SERPINA9: variants seen among roughly 807,000 people sequenced by gnomAD.
The protein encoded by SERPINA9 is serpin family A member 9.
SERPINA9 carries 32 observed loss-of-function variants against 24.5 expected under a neutral mutation model. That is an observed-to-expected ratio of 1.30 (90% CI 0.98 to 1.75). The LOEUF (loss-of-function observed/expected upper bound fraction) is 1.75. Among genes scored for constraint, SERPINA9 ranks in the 40% most tolerant of loss-of-function variants. The probability of loss-of-function intolerance (pLI) is 0.00; values close to 1 mark genes in which losing one functional copy is unlikely to be tolerated. For synonymous variants in SERPINA9, 233 were observed against 197.7 expected (o/e 1.18, Z -1.50); for missense variants, 594 against 497.1 (o/e 1.19, Z -1.85).
chr14:94,475,454 AC>A (rs1899556937), intron 1 of SERPINA9, among the ~76,000 whole-genome samples: 3 of 152,002 alleles, frequency 2.0e-5, no homozygotes, highest in African/African-American at 4.8e-5. Flanking sequence ...ACACACACAC[AC>A]ACACACACTG....
At chr14:94,471,030 A>G (rs1276750223) in intron 1 of SERPINA9, among the ~76,000 whole-genome samples, 1 of 152,164 alleles carries the variant, frequency 6.6e-6, no homozygotes, top group Non-Finnish European at 1.5e-5. Flanking sequence ...GTGTGCTCCA[A>G]TAGGTCACAT....
At position 94,464,711 on chromosome 14, in the gene SERPINA9, G is replaced by C. The variant is rs376738089; in HGVS notation, c.1046C>G (p.Ser349Cys). Residue 349 changes from serine to cysteine, a missense_variant, in exon 4 of 5, where the codon TCT becomes TGT. Ser to Cys is a moderately radical substitution (Grantham distance 112, BLOSUM62 -1). Coordinates refer to ENST00000674397, the MANE Select transcript of SERPINA9 (RefSeq NM_175739.4). Reference protein sequence around the residue: ...GIAKRDSLQVSKATHKAVLDV... With the variant: ...GIAKRDSLQVCKATHKAVLDV... ...AAATATTTTCATTCAACTCACTTTA[G>C]AAACCTGCAGGGAGTCTCTCTTTGC... 3.1e-6 allele frequency: 5 copies of C among 1,611,384 alleles called. No individual in the cohort carries two copies. Among genetic ancestry groups the C allele is most frequent in the Non-Finnish European group, 4.2e-6 (5 of 1,178,922 alleles).
intron 1 of SERPINA9, among the ~76,000 whole-genome samples, chr14:94,475,368 T>C (rs1899543108): frequency 6.6e-6 from 1 of 152,262 alleles, no homozygotes; most frequent in East Asian, 1.9e-4. Flanking sequence ...CAGGGTGGAA[T>C]GGATGCCCAC....
At position 94,467,117 on chromosome 14, in the gene SERPINA9, G is replaced by C; in HGVS notation, c.894C>G (p.Leu298=). 6.2e-7 allele frequency: 1 copy of C among 1,613,760 alleles called. No individual in the cohort carries two copies. The highest frequency in any genetic ancestry group is 8.5e-7 in the Non-Finnish European group (1 of 1,179,836). The change falls in exon 3 of 5, where the codon CTC becomes CTG. Residue 298 remains leucine, a synonymous_variant. Transcript: ENST00000674397. ...ARTLRKWSHS[L]QKRWIEVFIP... is the part of the protein sequence containing the mutation. ...TTGACACAGATGCCCACCTTTTCTG[G>C]AGTGAGTGGCTCCACTTTCTCAGTG...
intron 3 of SERPINA9, among the ~76,000 whole-genome samples, chr14:94,465,917 G>A (rs547804054): frequency 6.6e-6 from 1 of 152,300 alleles, no homozygotes; most frequent in South Asian, 2.1e-4. Context: ...CTTTGCCCAA[G>A]GTTATGTACT....
intron 4 of SERPINA9, 50 bp from the exon 5 acceptor site, chr14:94,463,346 T>G (rs759128027): frequency 3.9e-6 from 6 of 1,534,254 alleles, no homozygotes; most frequent in Non-Finnish European, 5.4e-6. Flanking sequence ...ACACTTTTAC[T>G]TAACTGAGTA....
chr14:94,464,922 G>A, intron 3 of SERPINA9, 68 bp from the exon 4 acceptor site: 1 of 1,362,098 alleles, frequency 7.3e-7, no homozygotes, highest in South Asian at 1.4e-5. Flanking sequence ...GCTCCTAGAT[G>A]CCATTTTGGG....
At chr14:94,475,941 G>A in intron 1 of SERPINA9, 195 bp downstream of exon 1, 1 of 690,066 alleles carries the variant, frequency 1.4e-6, no homozygotes, top group Admixed American at 2.8e-5. Flanking sequence ...TCACTCACTG[G>A]TCCACTCCAG....
Position 94,469,222 on chromosome 14 carries a change from A to G in SERPINA9, c.619T>C (p.Phe207Leu). ...CTTCTCAAATCCTTACCTTTAAAGA[A>G]AATGTGGTTCACCAGAACCATGGCC... Reference protein sequence around the residue: ...LTAMVLVNHIFFKAKWEKPFH... With the variant: ...LTAMVLVNHILFKAKWEKPFH... The change falls in exon 2 of 5, where the codon TTC becomes CTC. Residue 207 changes from phenylalanine (F) to leucine (L), a missense_variant. Coordinates refer to ENST00000674397, the MANE Select transcript of SERPINA9 (RefSeq NM_175739.4). 1 of 1,609,156 alleles carries G rather than the reference A, an allele frequency of 6.2e-7. No homozygotes were observed. The highest frequency in any genetic ancestry group is 8.5e-7 in the Non-Finnish European group (1 of 1,177,640).
At position 94,469,579 on chromosome 14, in the gene SERPINA9, A is replaced by G. The variant is rs142619133; in HGVS notation, c.262T>C (p.Ser88Pro). 22 of 1,614,034 alleles carry G rather than the reference A, an allele frequency of 1.4e-5. No individual in the cohort carries two copies. In the Middle Eastern group the frequency reaches 4.9e-4, roughly 36 times the overall value. ...SLAMLSLGAH[S>P]VTKTQILQGL... is the part of the protein sequence containing the mutation. ...TGGAGAATCTGGGTCTTGGTGACTG[A>G]GTGGGCCCCAAGGGAGAGCATGGCC... The change falls in exon 2 of 5, where the codon TCA (serine) becomes CCA (proline). Residue 88 changes from serine (S) to proline (P), a missense_variant. Ser to Pro is a moderately conservative substitution (Grantham distance 74, BLOSUM62 -1). Coordinates refer to ENST00000674397, the MANE Select transcript of SERPINA9 (RefSeq NM_175739.4).
chr14:94,464,909 T>TAGGAG, intron 3 of SERPINA9, 55 bp from the exon 4 acceptor site: 1 of 1,488,948 alleles, frequency 6.7e-7, no homozygotes, highest in Non-Finnish European at 9.1e-7. Flanking sequence ...TGTCTGCATC[T>TAGGAG]CTGCTCCTAG....
rs528728944 is a variant in SERPINA9, at chr14:94,467,583, C to T, written c.629-201G>A. Among the ~76,000 whole-genome samples, 17 of 152,322 alleles carry T rather than the reference C, an allele frequency of 1.1e-4. No homozygotes were observed. The South Asian group carries it at 2.9e-3, about 26-fold the overall frequency. ...AGCAATAAAATGGTGAATTTTATGA[C>T]ATGTGAATTGTATTTCAATTAAAAA... On this transcript the variant is annotated intron_variant, in intron 2 of 4. Coordinates refer to ENST00000674397, the MANE Select transcript of SERPINA9 (RefSeq NM_175739.4).
chr14:94,463,402 AAAGG>A, intron 4 of SERPINA9, 106 bp from the exon 5 acceptor site: 2 of 966,890 alleles, frequency 2.1e-6, no homozygotes, highest in Non-Finnish European at 3.2e-6. Flanking sequence ...GTCTACCTTG[AAAGG>A]ATTCAAGGTT....
At position 94,464,843 on chromosome 14, in the gene SERPINA9, A is replaced by G; in HGVS notation, c.914T>C (p.Val305Ala). The G allele has an allele frequency of 6.2e-7, 1 of 1,613,052 alleles. No individual in the cohort carries two copies. Among genetic ancestry groups the G allele is most frequent in the Non-Finnish European group, 8.5e-7 (1 of 1,179,530 alleles). ...SHSLQKRWIEVFIPRFSISAS... is the reference protein window; with the variant it reads ...SHSLQKRWIEAFIPRFSISAS... Reference sequence around the variant, plus strand: ...AGAAATGGAAAATCTGGGGATGAACACCTCTATCCACCTGTGGAGTAGGGA... The same window carrying G: ...AGAAATGGAAAATCTGGGGATGAACGCCTCTATCCACCTGTGGAGTAGGGA... The change falls in exon 4 of 5, where the codon GTG becomes GCG. Residue 305 changes from valine to alanine, a missense_variant. Coordinates refer to ENST00000674397, the MANE Select transcript of SERPINA9 (RefSeq NM_175739.4).
intron 4 of SERPINA9, 22 bp downstream of exon 4, chr14:94,464,685 C>T (rs1284777456): frequency 3.1e-6 from 5 of 1,597,974 alleles, no homozygotes; most frequent in Non-Finnish European, 2.6e-6. Flanking sequence ...GACTTTTTTG[C>T]AAATATTTTC....
chr14:94,469,985 C>A, intron 1 of SERPINA9, 128 bp from the exon 2 acceptor site: 1 of 761,792 alleles, frequency 1.3e-6, no homozygotes, highest in Non-Finnish European at 2.0e-6. Context: ...AGAGCTCTCT[C>A]ACATAATCTC....
At chr14:94,474,318 G>GC (rs1899472218) in intron 1 of SERPINA9, among the ~76,000 whole-genome samples, 3 of 152,192 alleles carry the variant, frequency 2.0e-5, no homozygotes, top group Non-Finnish European at 4.4e-5. Flanking sequence ...CCCAAGTCTT[G>GC]TTTCTTTTGG....
chr14:94,475,496 A>C (rs2139828515), intron 1 of SERPINA9, among the ~76,000 whole-genome samples: 1 of 152,130 alleles, frequency 6.6e-6, no homozygotes, highest in Admixed American at 6.5e-5. Flanking sequence ...ATCTCACATA[A>C]AAGAGAGATC....
intron 4 of SERPINA9, 168 bp downstream of exon 4, chr14:94,464,539 C>T (rs1898902170): frequency 1.6e-6 from 1 of 608,574 alleles, no homozygotes; most frequent in Non-Finnish European, 2.9e-6. Flanking sequence ...ATGCTGCATG[C>T]CAGAGGGATG....
Sources: gnomAD v4.1 joint callset for allele counts (sites outside exome capture counted in the v4.1 genomes callset) on GRCh38, gnomAD v4.1.1 for gene constraint, MANE v1.5 for transcripts, NCBI Gene and HGNC (gene_info 2026-07-23, HGNC 2026-07-21) for gene names.